The following NEDD4L variants were observed in gnomAD, a reference collection of about 807,000 sequenced individuals.
The protein encoded by NEDD4L is NEDD4 like E3 ubiquitin protein ligase, also known as E3 ubiquitin-protein ligase NEDD4-like.
Under a neutral mutation model 148.9 loss-of-function variants are expected in NEDD4L, and 54 were observed. The ratio of observed to expected loss-of-function variants is 0.36; its 90% confidence interval spans 0.29 to 0.45. NEDD4L has a LOEUF of 0.45. NEDD4L is among the 20% of genes least tolerant of loss of function. The pLI is 1.00. For missense variants in NEDD4L, 856 were observed against 1,233.8 expected (o/e 0.69, Z 4.59); for synonymous variants, 433 against 440.7 (o/e 0.98, Z 0.22).
chr18:58,289,600 G>A (rs2054419001), intron 5 of NEDD4L, among the ~76,000 whole-genome samples: 1 of 152,154 alleles, frequency 6.6e-6, no homozygotes, highest in South Asian at 2.1e-4. Context: ...CATGCTCAGG[G>A]GCCCGTTCCA....
chr18:58,140,021 G>A (rs2033319107), intron 1 of NEDD4L, among the ~76,000 whole-genome samples: 1 of 152,210 alleles, frequency 6.6e-6, no homozygotes, highest in Admixed American at 6.5e-5. Flanking sequence ...TACTGGAAGG[G>A]TCAAGAATAG....
chr18:58,130,876 G>A lies in NEDD4L; in HGVS notation c.49-34912G>A, dbSNP rs1037292524. 5.4e-5 allele frequency among the ~76,000 whole-genome samples: 8 copies of A among 148,830 alleles called. No homozygotes were observed. The East Asian group carries it at 1.2e-3, about 22-fold the overall frequency. ...GTTGTGATCTAGTGGAACTGTGGTGGTGTTGGGCTCTGTTGGGGTTTGGTT... is the reference window on the plus strand; with the variant it reads ...GTTGTGATCTAGTGGAACTGTGGTGATGTTGGGCTCTGTTGGGGTTTGGTT... On this transcript the variant is annotated intron_variant, in intron 1 of 30. Coordinates refer to ENST00000400345, the MANE Select transcript of NEDD4L (RefSeq NM_001144967.3).
chr18:58,280,074 G>A (rs182344655), intron 5 of NEDD4L, among the ~76,000 whole-genome samples: 10 of 152,204 alleles, frequency 6.6e-5, no homozygotes, highest in African/African-American at 1.9e-4. Flanking sequence ...GGGGGGAGGA[G>A]GTATTTATTT....
Position 58,396,294 on chromosome 18 carries a change from G to T in NEDD4L, c.*25G>T, listed in dbSNP as rs184561640. 8 of 1,503,954 alleles carry T rather than the reference G, an allele frequency of 5.3e-6. No homozygotes were observed. In the Admixed American group the frequency reaches 8.6e-5, roughly 16 times the overall value. 93.2% of individuals were successfully genotyped at this position (1,503,954 alleles called of 1,614,324 possible). A position where few individuals can be genotyped will look rare whatever the true frequency, so the allele number is the denominator to read the frequency against. On this transcript the variant is annotated 3_prime_UTR_variant, in exon 31 of 31. Transcript: ENST00000400345. Reference sequence around the variant, plus strand: ...AGCACCCTGTGCCTCGGGGGTGGTTGTTCTTCAAGCAAGTTCTGCTTGCAC... The same window carrying T: ...AGCACCCTGTGCCTCGGGGGTGGTTTTTCTTCAAGCAAGTTCTGCTTGCAC...
intron 2 of NEDD4L, among the ~76,000 whole-genome samples, chr18:58,192,355 C>G (rs1032731399): frequency 9.2e-5 from 14 of 152,108 alleles, no homozygotes; most frequent in Admixed American, 2.6e-4. Context: ...TGTAAGGTGC[C>G]ATCGTTAATT....
chr18:58,137,913 G>A (rs1440326217), intron 1 of NEDD4L, among the ~76,000 whole-genome samples: 5 of 152,022 alleles, frequency 3.3e-5, no homozygotes, highest in African/African-American at 4.8e-5. Context: ...TCCCCAGCTC[G>A]TCCCCAGTTG....
At position 58,270,134 on chromosome 18, in the gene NEDD4L, G is replaced by C. The variant is rs535739183; in HGVS notation, c.297+18080G>C. ...CAGGTAACTAAAGTATCTCCCTGCT[G>C]TAAATATTAACTGAGTGCATTTTTG... is the stretch of plus-strand genomic sequence containing the variant. On this transcript the variant is annotated intron_variant, in intron 5 of 30. Transcript: ENST00000400345. 2.6e-5 allele frequency among the ~76,000 whole-genome samples: 4 copies of C among 152,312 alleles called. No individual in the cohort carries two copies. In the South Asian group the frequency reaches 8.3e-4, roughly 32 times the overall value.
Position 58,256,878 on chromosome 18 carries a change from T to G in NEDD4L, c.297+4824T>G. 4 of 1,041,944 alleles carry G rather than the reference T, an allele frequency of 3.8e-6. No individual in the cohort carries two copies. The highest frequency in any genetic ancestry group is 4.9e-6 in the Non-Finnish European group (4 of 815,070). The allele number at this position is 1,041,944 out of a possible 1,614,324, so 64.5% of individuals were successfully genotyped here. A position where few individuals can be genotyped will look rare whatever the true frequency, so the allele number is the denominator to read the frequency against. On this transcript the variant is annotated intron_variant, in intron 5 of 30. Coordinates refer to ENST00000400345, the MANE Select transcript of NEDD4L (RefSeq NM_001144967.3). This position sits in a 1 kb window ranked among gnomAD's most constrained non-coding sequence, Gnocchi z 5.2. ...TCACCCTCTGTTCCGGGAGTTTCCC[T>G]GCTTCAGGCCAGTGGATCTGAATGT...
chr18:58,130,293 G>A (rs2031869323), intron 1 of NEDD4L, among the ~76,000 whole-genome samples: 1 of 147,354 alleles, frequency 6.8e-6, no homozygotes, highest in Non-Finnish European at 1.5e-5. Context: ...GGCAGTGTTG[G>A]GCTCTGTTGG....
At chr18:58,339,184 G>A (rs1440289541) in intron 13 of NEDD4L, among the ~76,000 whole-genome samples, 1 of 152,158 alleles carries the variant, frequency 6.6e-6, no homozygotes, top group Non-Finnish European at 1.5e-5. Context: ...CACCAGAACG[G>A]CTGAAGGGGA....
intron 2 of NEDD4L, among the ~76,000 whole-genome samples, chr18:58,181,494 C>G (rs955849902): frequency 6.6e-6 from 1 of 151,454 alleles, no homozygotes; most frequent in Non-Finnish European, 1.5e-5. Context: ...TGCAGTGGTG[C>G]GGCTGTAGCT....
intron 1 of NEDD4L, among the ~76,000 whole-genome samples, chr18:58,116,741 A>T (rs923609931): frequency 3.9e-5 from 6 of 152,242 alleles, no homozygotes; most frequent in African/African-American, 1.2e-4. Context: ...AACACAGAAC[A>T]TGGAATTAGG....
chr18:58,168,921 C>T (rs1324142057), intron 2 of NEDD4L, among the ~76,000 whole-genome samples: 3 of 152,044 alleles, frequency 2.0e-5, no homozygotes, highest in African/African-American at 4.8e-5. Context: ...TCGGTGGTTG[C>T]GGGGCAGAAT....
At chr18:58,283,877 C>A (rs189998387) in intron 5 of NEDD4L, among the ~76,000 whole-genome samples, 21 of 152,186 alleles carry the variant, frequency 1.4e-4, no homozygotes, top group Admixed American at 4.6e-4. Flanking sequence ...GAATGTGGAC[C>A]CTAATCTGAC....
intron 1 of NEDD4L, among the ~76,000 whole-genome samples, chr18:58,118,349 A>G (rs1338191054): frequency 6.6e-6 from 1 of 152,258 alleles, no homozygotes; most frequent in Non-Finnish European, 1.5e-5. Flanking sequence ...TGGTCTGAAC[A>G]TTTTTGAGTA....
At chr18:58,242,550 G>T (rs1265891669) in intron 2 of NEDD4L, among the ~76,000 whole-genome samples, 3 of 152,028 alleles carry the variant, frequency 2.0e-5, no homozygotes, top group Non-Finnish European at 4.4e-5. Flanking sequence ...GCCCATCCTG[G>T]AGTGCAGTGG....
intron 5 of NEDD4L, among the ~76,000 whole-genome samples, chr18:58,271,187 A>C (rs924683485): frequency 6.6e-6 from 1 of 152,210 alleles, no homozygotes; most frequent in African/African-American, 2.4e-5. Context: ...AATTAGTATC[A>C]GCAAACACAT....
At chr18:58,061,076 G>A (rs1358102831) in intron 1 of NEDD4L, among the ~76,000 whole-genome samples, 1 of 152,042 alleles carries the variant, frequency 6.6e-6, no homozygotes, top group Non-Finnish European at 1.5e-5. Context: ...AGACATTTTT[G>A]ATTGTCACAG....
chr18:58,091,085 T>G (rs1367265897), intron 1 of NEDD4L: 2 of 152,250 alleles, frequency 1.3e-5, no homozygotes, highest in East Asian at 1.9e-4. Flanking sequence ...GAAATCTGCC[T>G]TCTTGTCCAT....
Sources: allele counts gnomAD v4.1 joint callset (sites outside exome capture counted in the v4.1 genomes callset), GRCh38; gene constraint gnomAD v4.1.1; non-coding constraint Gnocchi (gnomAD v3.1); transcripts MANE v1.5; gene names NCBI Gene and HGNC (gene_info 2026-07-23, HGNC 2026-07-21).